PLSCR2: variants seen among roughly 807,000 people sequenced by gnomAD.
PLSCR2 encodes PL scramblase 2.
A neutral mutation model predicts 25.3 loss-of-function variants in PLSCR2; 18 were observed. The ratio of observed to expected loss-of-function variants is 0.71; its 90% CI spans 0.49 to 1.06. PLSCR2 has a LOEUF of 1.06. Ranked by LOEUF, PLSCR2 falls within the 50% of genes least tolerant of loss-of-function variation. PLSCR2 has a pLI of 0.00. For missense variants in PLSCR2, 243 were observed against 269.5 expected, an observed-to-expected ratio of 0.90 and a Z score of 0.69; for synonymous variants, 88 against 87.3, an observed-to-expected ratio of 1.01 and a Z score of -0.04.
chr3:146,480,508 G>A (rs1272553291), intron 1 of PLSCR2, among the ~76,000 whole-genome samples: 1 of 152,116 alleles, frequency 6.6e-6, no homozygotes, highest in African/African-American at 2.4e-5. Flanking sequence ...TAAATTCCTG[G>A]ACACATACAA....
chr3:146,405,465 C>A (rs1273576521), intron 2 of PLSCR2, among the ~76,000 whole-genome samples: 1 of 151,902 alleles, frequency 6.6e-6, no homozygotes, highest in African/African-American at 2.4e-5. Context: ...GCTCTCTTAG[C>A]TAAGGGAGAG....
chr3:146,468,513 G>A (rs544979), intron 1 of PLSCR2, among the ~76,000 whole-genome samples: 82,302 of 152,038 alleles, frequency 0.54, 22,614 homozygotes, highest in South Asian at 0.67. Flanking sequence ...AGCTTGGAGA[G>A]GCAGGGACTT....
chr3:146,444,964 G>A (rs987859132), intron 6 of PLSCR2, among the ~76,000 whole-genome samples: 7 of 152,058 alleles, frequency 4.6e-5, no homozygotes, highest in African/African-American at 1.7e-4. Context: ...GAGGCTGGCA[G>A]ATAATATCCT....
chr3:146,437,879 T>C (rs934942988), downstream of PLSCR2, among the ~76,000 whole-genome samples: 6 of 152,368 alleles, frequency 3.9e-5, no homozygotes, highest in Admixed American at 3.9e-4. Flanking sequence ...GTGTCAATTT[T>C]AGATCTTTCC....
At chr3:146,476,208 A>G (rs1186254119) in intron 1 of PLSCR2, among the ~76,000 whole-genome samples, 2 of 151,916 alleles carry the variant, frequency 1.3e-5, no homozygotes, top group African/African-American at 4.8e-5. Context: ...CTCAGGTTCT[A>G]TCAGGACTGA....
intron 1 of PLSCR2, among the ~76,000 whole-genome samples, chr3:146,486,382 C>CTGTT (rs34135074): frequency 0.29 from 42,000 of 144,700 alleles, 5,980 homozygotes; most frequent in South Asian, 0.39. Flanking sequence ...AATCCAGGAG[C>CTGTT]TTTTTTTTTT....
intron 2 of PLSCR2, among the ~76,000 whole-genome samples, chr3:146,415,773 A>G (rs1333839761): frequency 6.6e-6 from 1 of 152,186 alleles, no homozygotes; most frequent in Non-Finnish European, 1.5e-5. Context: ...ATTTAATTGT[A>G]TTCAATGTAG....
intron 2 of PLSCR2, among the ~76,000 whole-genome samples, chr3:146,423,910 C>T (rs2039246513): frequency 6.6e-6 from 1 of 152,036 alleles, no homozygotes; most frequent in Non-Finnish European, 1.5e-5. Flanking sequence ...TTGATGTTAA[C>T]CCAATGTATT....
At chr3:146,479,149 T>G (rs1250275751) in intron 1 of PLSCR2, among the ~76,000 whole-genome samples, 1 of 152,154 alleles carries the variant, frequency 6.6e-6, no homozygotes, top group African/African-American at 2.4e-5. Context: ...TGCCAAATTA[T>G]AAAGACCATT....
chr3:146,484,197 A>G (rs1330920027), intron 1 of PLSCR2, among the ~76,000 whole-genome samples: 1 of 150,816 alleles, frequency 6.6e-6, no homozygotes, highest in African/African-American at 2.4e-5. Flanking sequence ...TCAGAGCTTG[A>G]AGACTATCTT....
chr3:146,487,830 T>C (rs1157701673), intron 1 of PLSCR2, among the ~76,000 whole-genome samples: 4 of 151,952 alleles, frequency 2.6e-5, no homozygotes, highest in African/African-American at 9.7e-5. Context: ...CTGCTTTAAA[T>C]TTCATATGGA....
chr3:146,408,271 G>C (rs934847543), intron 2 of PLSCR2, among the ~76,000 whole-genome samples: 34 of 152,138 alleles, frequency 2.2e-4, no homozygotes, highest in African/African-American at 7.5e-4. Context: ...GGAGTCTCGA[G>C]CCTTTTTAGC....
intron 8 of PLSCR2, among the ~76,000 whole-genome samples, chr3:146,434,448 G>A (rs1470985540): frequency 6.6e-6 from 1 of 151,736 alleles, no homozygotes; most frequent in Non-Finnish European, 1.5e-5. Context: ...TCCAATTGTA[G>A]GGAATTGTTT....
At chr3:146,440,770 GTTTTT>G (rs67900392), downstream of PLSCR2, among the ~76,000 whole-genome samples, 7 of 151,968 alleles carry the variant, frequency 4.6e-5, no homozygotes, top group Admixed American at 1.3e-4. Flanking sequence ...GTGTTATCCA[GTTTTT>G]TTTATAACAA....
chr3:146,443,194 A>G (rs1433019590), intron 6 of PLSCR2, among the ~76,000 whole-genome samples: 1 of 152,014 alleles, frequency 6.6e-6, no homozygotes, highest in Non-Finnish European at 1.5e-5. Flanking sequence ...GGATTTTTGG[A>G]TCAATGTTCA....
chr3:146,401,230 C>T (rs2038463194), intron 2 of PLSCR2: 1 of 152,092 alleles, frequency 6.6e-6, no homozygotes, highest in African/African-American at 2.4e-5. Context: ...TTATGTGGTA[C>T]AAAAATACAA....
exon 6 of PLSCR2, chr3:146,449,243 T>A: frequency 6.2e-7 from 1 of 1,613,334 alleles, no homozygotes; most frequent in African/African-American, 1.3e-5. Flanking sequence ...GGCTTTCATT[T>A]TAACATCAAG....
At chr3:146,460,151 C>T (rs909592582) in intron 1 of PLSCR2, 68 bp from the exon 2 acceptor site, 1 of 1,379,394 alleles carries the variant, frequency 7.2e-7, no homozygotes, top group Non-Finnish European at 9.6e-7. Context: ...TTAGAATAAC[C>T]CCAGTTATCT....
chr3:146,464,650 G>A (rs1171763803), upstream of PLSCR2, among the ~76,000 whole-genome samples: 1 of 152,088 alleles, frequency 6.6e-6, no homozygotes, highest in Non-Finnish European at 1.5e-5. Flanking sequence ...AACAAACACA[G>A]AACTTCAAGT....
Sources: gnomAD v4.1 joint callset for allele counts (sites outside exome capture counted in the v4.1 genomes callset) on GRCh38, gnomAD v4.1.1 for gene constraint, MANE v1.5 for transcripts, NCBI Gene and HGNC (gene_info 2026-07-23, HGNC 2026-07-21) for gene names.